The following ZNF676 variants were observed in gnomAD, a reference collection of about 807,000 sequenced individuals.
ZNF676 encodes zinc finger protein 676.
Under a neutral mutation model 6.0 loss-of-function variants are expected in ZNF676, and 4 were observed. That is an observed-to-expected ratio of 0.67 (90% confidence interval 0.33 to 1.53). The LOEUF is 1.53. ZNF676 is among the 40% of genes most tolerant of loss of function. ZNF676 has a pLI of 0.06. For synonymous variants in ZNF676, 198 were observed against 223.1 expected (o/e 0.89, Z 1.00); for missense variants, 644 against 679.7 (o/e 0.95, Z 0.58).
the ZNF676 span, among the ~76,000 whole-genome samples, chr19:22,254,997 T>A: frequency 1.3e-5 from 2 of 152,182 alleles, no homozygotes; most frequent in African/African-American, 2.4e-5. Flanking sequence ...AGATTAACGA[T>A]CCCATACATG....
At chr19:22,211,965 C>T (rs11672659) in intron 1 of ZNF676, among the ~76,000 whole-genome samples, 34,179 of 151,670 alleles carry the variant, frequency 0.23, 4,332 homozygotes, top group South Asian at 0.42. Context: ...TTTGGGAGGC[C>T]GAGGCAGGTG....
intron 2 of ZNF676, among the ~76,000 whole-genome samples, chr19:22,191,399 C>T (rs1392454268): frequency 2.6e-5 from 4 of 152,276 alleles, no homozygotes; most frequent in Middle Eastern, 3.4e-3. Flanking sequence ...GGTCTTGGTC[C>T]TCCAGAGGCT....
At chr19:22,244,481 G>A in the ZNF676 span, 2 of 152,188 alleles carry the variant, frequency 1.3e-5, no homozygotes, top group African/African-American at 2.4e-5. Flanking sequence ...TATGAGTTGG[G>A]CCAGGATATT....
rs113279822 is a variant in ZNF676 at position 22,192,934 on chromosome 19, G to T, written c.130+82C>A. 1,241 of 1,370,830 alleles carry T rather than the reference G, an allele frequency of 9.1e-4. 9 individuals carry two copies. The African/African-American group carries it at 0.016, about 18-fold the overall frequency. 84.9% of individuals were successfully genotyped at this position (1,370,830 alleles called of 1,614,324 possible). A position where few individuals can be genotyped will look rare whatever the true frequency, so the allele number is the denominator to read the frequency against. Reference sequence around the variant, plus strand: ...CAGAAACAACTACTTTTGGAACACAGCTTCCCAAATGACTTTAAGGACTGG... The same window carrying T: ...CAGAAACAACTACTTTTGGAACACATCTTCCCAAATGACTTTAAGGACTGG... On this transcript the variant is annotated intron_variant, in intron 2 of 2. Coordinates refer to ENST00000397121, the MANE Select transcript of ZNF676 (RefSeq NM_001001411.3).
At chr19:22,236,719 TTTG>T in the ZNF676 span, among the ~76,000 whole-genome samples, 1 of 152,194 alleles carries the variant, frequency 6.6e-6, no homozygotes, top group East Asian at 1.9e-4. Context: ...CTTTTTTCCA[TTTG>T]ACCTAGAAGT....
the ZNF676 span, among the ~76,000 whole-genome samples, chr19:22,226,598 C>CTT: frequency 5.4e-4 from 78 of 144,768 alleles, no homozygotes; most frequent in South Asian, 4.3e-3. Flanking sequence ...AGGGATCTTG[C>CTT]TTTTTTTTTT....
At chr19:22,232,035 G>T in the ZNF676 span, among the ~76,000 whole-genome samples, 5 of 151,522 alleles carry the variant, frequency 3.3e-5, no homozygotes, top group Non-Finnish European at 5.9e-5. Context: ...TTGTATATCT[G>T]TGTGTGTGTG....
the ZNF676 span, among the ~76,000 whole-genome samples, chr19:22,251,463 T>C: frequency 6.6e-6 from 1 of 152,052 alleles, no homozygotes; most frequent in Non-Finnish European, 1.5e-5. Context: ...TGACTGCAGC[T>C]CAAAAGAAAC....
chr19:22,222,235 G>A, the ZNF676 span, among the ~76,000 whole-genome samples: 4 of 152,076 alleles, frequency 2.6e-5, no homozygotes, highest in Non-Finnish European at 5.9e-5. Flanking sequence ...CTCCCGAGTA[G>A]CTGGGACTGC....
the ZNF676 span, among the ~76,000 whole-genome samples, chr19:22,237,535 A>G: frequency 6.6e-6 from 1 of 152,148 alleles, no homozygotes; most frequent in African/African-American, 2.4e-5. Flanking sequence ...CTGGGACTTT[A>G]GTCTACTTAT....
chr19:22,206,341 C>T (rs1213062848), intron 1 of ZNF676, among the ~76,000 whole-genome samples: 1 of 152,074 alleles, frequency 6.6e-6, no homozygotes, highest in Non-Finnish European at 1.5e-5. Flanking sequence ...CAGAAAAAGG[C>T]AACTTCAGGC....
At chr19:22,252,607 C>T in the ZNF676 span, among the ~76,000 whole-genome samples, 16 of 152,148 alleles carry the variant, frequency 1.1e-4, no homozygotes, top group Non-Finnish European at 1.8e-4. Flanking sequence ...GTAATATCAC[C>T]CATGTGAGGG....
chr19:22,190,054 A>G (rs1351913620), intron 2 of ZNF676, among the ~76,000 whole-genome samples: 1 of 152,194 alleles, frequency 6.6e-6, no homozygotes, highest in Non-Finnish European at 1.5e-5. Context: ...TCATTCTACT[A>G]TAAAGACACA....
At chr19:22,218,840 C>T (rs534669861), upstream of ZNF676, among the ~76,000 whole-genome samples, 135 of 152,210 alleles carry the variant, frequency 8.9e-4, no homozygotes, top group Middle Eastern at 3.4e-3. Context: ...TATACCCATA[C>T]AATGCTGTTT....
chr19:22,206,422 C>T lies in ZNF676; in HGVS notation c.3+9210G>A, dbSNP rs555761757. Reference sequence around the variant, plus strand: ...GCCCGGTGGCTCATGCCTGTAATCGCAGCACTTTGGGAGGCCAAGGTGGGT... The same window carrying T: ...GCCCGGTGGCTCATGCCTGTAATCGTAGCACTTTGGGAGGCCAAGGTGGGT... On this transcript the variant is annotated intron_variant, in intron 1 of 3. Coordinates refer to the ZNF676 transcript ENST00000650058. Among the ~76,000 whole-genome samples the T allele has an allele frequency of 6.6e-5, 10 of 152,208 alleles. No homozygotes were observed. The South Asian group carries it at 2.1e-3, about 32-fold the overall frequency.
chr19:22,179,632 G>A lies in ZNF676; in HGVS notation c.*318C>T, dbSNP rs142069836. On this transcript the variant is annotated 3_prime_UTR_variant, in exon 3 of 3. Transcript: ENST00000397121. ...TCACATTTGTAGGGCTTTTCCTCCA[G>A]TATGAATTCTTTTATGAGTAGTAAG... The A allele has an allele frequency of 6.1e-4, 323 of 528,994 alleles. 3 individuals carry two copies. In the East Asian group the frequency reaches 9.0e-3, roughly 15 times the overall value. The allele number at this position is 528,994 out of a possible 1,614,324, so 32.8% of individuals were successfully genotyped here.
At position 22,179,899 on chromosome 19, in the gene ZNF676, T is replaced by G. The variant is rs747177885; in HGVS notation, c.*51A>C. 7 of 1,575,952 alleles carry G rather than the reference T, an allele frequency of 4.4e-6. No individual in the cohort carries two copies. Among genetic ancestry groups the G allele is most frequent in the African/African-American group, 1.4e-5 (1 of 73,690 alleles). The stretch of plus-strand genomic sequence containing the variant: ...TTTCTCTCCAGTATGAATTTTCTTA[T>G]GTTTACTAGACTGAGAATCAGCTGA... On this transcript the variant is annotated 3_prime_UTR_variant, in exon 3 of 3. Transcript: ENST00000397121.
the ZNF676 span, among the ~76,000 whole-genome samples, chr19:22,249,792 C>T: frequency 2.0e-5 from 3 of 151,404 alleles, no homozygotes; most frequent in African/African-American, 7.3e-5. Context: ...CAGATCTGTT[C>T]CTTAACAAAA....
Position 22,181,051 on chromosome 19 carries a change from C to T in ZNF676, c.666G>A (p.Glu222=). ...LTKHKVIHTG[E]KPYKCEECGK... ...CACATTCTTCACATTTGTAGGGTTT[C>T]TCTCCAGTATGAATTACCTTATGTT... is the stretch of plus-strand genomic sequence containing the variant. The change falls in exon 3 of 3, where the codon GAG becomes GAA. Residue 222 remains glutamate (E), a synonymous_variant. Transcript: ENST00000397121. The T allele has an allele frequency of 1.9e-6, 3 of 1,570,082 alleles. No individual in the cohort carries two copies. Among genetic ancestry groups the T allele is most frequent in the Non-Finnish European group, 1.7e-6 (2 of 1,151,208 alleles).
Sources: gnomAD v4.1 joint callset for allele counts (sites outside exome capture counted in the v4.1 genomes callset) on GRCh38, gnomAD v4.1.1 for gene constraint, MANE v1.5 for transcripts, NCBI Gene and HGNC (gene_info 2026-07-23, HGNC 2026-07-21) for gene names.